ZNF618: variants seen among roughly 807,000 people sequenced by gnomAD.
ZNF618 encodes zinc finger protein 618, also known as neural precursor cell expressed, developmentally down-regulated 10.
In ZNF618, 34 loss-of-function variants were observed where a neutral mutation model predicts 103.0. The ratio of observed to expected loss-of-function variants is 0.33; its 90% CI spans 0.25 to 0.44. The LOEUF is 0.44. ZNF618 is among the 20% of genes least tolerant of loss of function. The pLI is 1.00. For missense variants in ZNF618, 1,059 were observed against 1,295.4 expected (o/e 0.82, Z 2.80); for synonymous variants, 551 against 542.2 (o/e 1.02, Z -0.23).
chr9:113,878,608 T>A (rs114716401), intron 1 of ZNF618, among the ~76,000 whole-genome samples: 74 of 152,318 alleles, frequency 4.9e-4, no homozygotes, highest in African/African-American at 1.7e-3. Flanking sequence ...TAATTGAACT[T>A]GCTGGGGATT....
Position 113,976,965 on chromosome 9 carries a change from A to G in ZNF618, c.77+7805A>G, listed in dbSNP as rs572074528. 3.9e-5 allele frequency among the ~76,000 whole-genome samples: 6 copies of G among 152,270 alleles called. No homozygotes were observed. The South Asian group carries it at 1.2e-3, about 32-fold the overall frequency. On this transcript the variant is annotated intron_variant, in intron 2 of 14. Coordinates refer to ENST00000374126, the MANE Select transcript of ZNF618 (RefSeq NM_001318042.2). Reference sequence around the variant, plus strand: ...CAACGATCCCTGCATCTGCTTTGTCATCCCCAAGCACCTTGTAAGGACTGG... The same window carrying G: ...CAACGATCCCTGCATCTGCTTTGTCGTCCCCAAGCACCTTGTAAGGACTGG...
rs1402321441 is a variant in ZNF618, at chr9:113,987,052, C to G, written c.78-1269C>G. Among the ~76,000 whole-genome samples the G allele has an allele frequency of 2.6e-5, 4 of 152,268 alleles. No individual in the cohort carries two copies. In the South Asian group the frequency reaches 8.3e-4, roughly 32 times the overall value. On this transcript the variant is annotated intron_variant, in intron 2 of 14. Transcript: ENST00000374126. ...GGCATTCTCTGTTTTGAGTCTGGGC[C>G]TTGAAATTCACAGACCATGCTCTCC...
intron 6 of ZNF618, among the ~76,000 whole-genome samples, chr9:114,004,837 G>A (rs747140363): frequency 2.6e-5 from 4 of 152,158 alleles, no homozygotes; most frequent in South Asian, 2.1e-4. Context: ...TAGTGGAGGC[G>A]GGCCTAGAAA....
chr9:113,885,770 C>G (rs1829008409), intron 1 of ZNF618, among the ~76,000 whole-genome samples: 1 of 152,076 alleles, frequency 6.6e-6, no homozygotes, highest in Non-Finnish European at 1.5e-5. Flanking sequence ...GCTTCATGAA[C>G]AGCAAAGAAC....
At chr9:113,986,629 A>G (rs11787940) in intron 2 of ZNF618, among the ~76,000 whole-genome samples, 33,272 of 152,038 alleles carry the variant, frequency 0.22, 4,423 homozygotes, top group Middle Eastern at 0.41. Context: ...AGGCCCCTCC[A>G]GTGTGACCTC....
intron 6 of ZNF618, among the ~76,000 whole-genome samples, chr9:114,004,636 A>G (rs958966831): frequency 6.6e-6 from 1 of 151,688 alleles, no homozygotes; most frequent in African/African-American, 2.4e-5. Flanking sequence ...CCCTGCGGCC[A>G]TTGCGCGCTA....
chr9:113,883,726 T>G (rs1176914540), intron 1 of ZNF618, among the ~76,000 whole-genome samples: 5 of 152,184 alleles, frequency 3.3e-5, no homozygotes, highest in Admixed American at 3.3e-4. Context: ...AATCCTAAGT[T>G]AAGGTAGACA....
chr9:114,019,850 G>A (rs1052047575), intron 10 of ZNF618, among the ~76,000 whole-genome samples: 1 of 152,128 alleles, frequency 6.6e-6, no homozygotes, highest in African/African-American at 2.4e-5. Flanking sequence ...TCATTTTGAT[G>A]AAGTCCAGTT....
At chr9:113,903,132 G>A (rs901956118) in intron 1 of ZNF618, among the ~76,000 whole-genome samples, 3 of 152,176 alleles carry the variant, frequency 2.0e-5, no homozygotes, top group African/African-American at 7.2e-5. Context: ...ACTGCCTGTT[G>A]GGCTTGCCTT....
At chr9:113,912,569 T>C (rs890386626) in intron 1 of ZNF618, among the ~76,000 whole-genome samples, 6 of 152,200 alleles carry the variant, frequency 3.9e-5, no homozygotes, top group African/African-American at 1.4e-4. Flanking sequence ...CGGGACTGCC[T>C]AATTAATTCA....
intron 9 of ZNF618, among the ~76,000 whole-genome samples, chr9:114,014,459 C>G (rs1588343994): frequency 6.6e-6 from 1 of 152,266 alleles, no homozygotes; most frequent in East Asian, 1.9e-4. Flanking sequence ...CTGAGTGTTT[C>G]TTTGATTTTT....
At chr9:114,029,760 A>G (rs1186354358) in intron 11 of ZNF618, among the ~76,000 whole-genome samples, 1 of 152,182 alleles carries the variant, frequency 6.6e-6, no homozygotes, top group Non-Finnish European at 1.5e-5. Flanking sequence ...CCTCCATGAG[A>G]TACAGGCCCA....
At chr9:113,987,855 C>A (rs1839635225) in intron 2 of ZNF618, among the ~76,000 whole-genome samples, 1 of 152,102 alleles carries the variant, frequency 6.6e-6, no homozygotes, top group East Asian at 1.9e-4. Context: ...AATGCAGAAT[C>A]TCAGGCCCTA....
Position 113,988,579 on chromosome 9 carries a change from T to G in ZNF618, c.336T>G (p.Leu112=). 1 of 1,604,818 alleles carries G rather than the reference T, an allele frequency of 6.2e-7. No homozygotes were observed. The highest frequency in any genetic ancestry group is 1.3e-5 in the African/African-American group (1 of 74,972). Residue 112 remains leucine (L), a splice_region_variant and synonymous_variant, in exon 3 of 15, where the codon CTT becomes CTG. Coordinates refer to ENST00000374126, the MANE Select transcript of ZNF618 (RefSeq NM_001318042.2). The stretch of plus-strand genomic sequence containing the variant: ...GCGGCGTCCGCAACCAGCAGACCCT[T>G]GGTGAGTGCCCAGCGTCTGTGGTCA... ...VIGGVRNQQT[L]DGKAPEGSPH... is the part of the protein sequence containing the mutation.
At chr9:113,975,690 T>C (rs1838403506) in intron 2 of ZNF618, among the ~76,000 whole-genome samples, 1 of 152,098 alleles carries the variant, frequency 6.6e-6, no homozygotes, top group African/African-American at 2.4e-5. Context: ...AAAAAATAAA[T>C]TAAAAATCCA....
chr9:113,968,101 T>C (rs1355083148), intron 1 of ZNF618, among the ~76,000 whole-genome samples: 1 of 152,216 alleles, frequency 6.6e-6, no homozygotes, highest in African/African-American at 2.4e-5. Context: ...AAAGTTTTTA[T>C]AACTGATGAG....
rs775594806 is a variant in ZNF618, at chr9:114,007,345, T to C, written c.551-5T>C. 1 of 1,613,502 alleles carries C rather than the reference T, an allele frequency of 6.2e-7. No homozygotes were observed. The highest frequency in any genetic ancestry group is 1.7e-5 in the Admixed American group (1 of 59,986). ...TAACCAGGTGTGTGTTTTCATCCCA[T>C]GCAGACAATTTCAGGTACACATGTG... On this transcript the variant is annotated splice_polypyrimidine_tract_variant and splice_region_variant and intron_variant, in intron 6 of 14. Transcript: ENST00000374126.
intron 1 of ZNF618, among the ~76,000 whole-genome samples, chr9:113,921,114 AC>A (rs1450695125): frequency 6.6e-6 from 1 of 152,220 alleles, no homozygotes; most frequent in Non-Finnish European, 1.5e-5. Context: ...TTAAAAAGTT[AC>A]TTGAGCATAT....
intron 1 of ZNF618, among the ~76,000 whole-genome samples, chr9:113,935,410 T>C (rs1833945564): frequency 6.6e-6 from 1 of 152,150 alleles, no homozygotes; most frequent in South Asian, 2.1e-4. Flanking sequence ...TGATGCCCTC[T>C]GAGCTTCCAT....
Sources: allele counts gnomAD v4.1 joint callset (sites outside exome capture counted in the v4.1 genomes callset), GRCh38; gene constraint gnomAD v4.1.1; transcripts MANE v1.5; gene names NCBI Gene and HGNC (gene_info 2026-07-23, HGNC 2026-07-21).